ADAMTSL3: variants seen among roughly 807,000 people sequenced by gnomAD.
ADAMTSL3 encodes ADAMTS-like protein 3.
ADAMTSL3 carries 128 observed loss-of-function variants against 201.7 expected under a neutral mutation model. That is an observed-to-expected ratio of 0.63 (90% CI 0.55 to 0.73). The LOEUF is 0.73. Ranked by LOEUF, ADAMTSL3 falls within the 30% of genes least tolerant of loss-of-function variation. The probability of loss-of-function intolerance (pLI) is 0.00; values close to 1 mark genes in which losing one functional copy is unlikely to be tolerated. For missense variants in ADAMTSL3, 1,990 were observed against 2,119.6 expected (o/e 0.94, Z 1.20); for synonymous variants, 738 against 748.4 (o/e 0.99, Z 0.23).
chr15:83,856,191 A>G (rs561270035), intron 7 of ADAMTSL3, among the ~76,000 whole-genome samples: 98 of 147,452 alleles, frequency 6.6e-4, no homozygotes, highest in African/African-American at 2.2e-3. Flanking sequence ...CCCCTGAGAC[A>G]AGCTCTCACT....
chr15:83,983,120 A>G lies in ADAMTSL3; in HGVS notation c.3492A>G (p.Ala1164=). The change falls in exon 21 of 30, where the codon GCA becomes GCG. Residue 1164 remains alanine, a synonymous_variant. Coordinates refer to ENST00000286744, the MANE Select transcript of ADAMTSL3 (RefSeq NM_207517.3). ...GGAGTGTGTCCCAAAGCTCGCATGC[A>G]AAAAACTCAGGCAAGCTGACATTCA... is the stretch of plus-strand genomic sequence containing the variant. ...ETGSVSQSSH[A]KNSGKLTFKP... 2 of 1,614,074 alleles carry G rather than the reference A, an allele frequency of 1.2e-6. No homozygotes were observed. The highest frequency in any genetic ancestry group is 1.7e-6 in the Non-Finnish European group (2 of 1,179,976).
At chr15:83,831,756 A>G (rs773370659) in intron 6 of ADAMTSL3, among the ~76,000 whole-genome samples, 4 of 151,052 alleles carry the variant, frequency 2.6e-5, no homozygotes, top group Non-Finnish European at 4.4e-5. Flanking sequence ...CCCACCTCAA[A>G]TACTTCAATT....
At chr15:83,732,286 G>A (rs1228317313) in intron 3 of ADAMTSL3, among the ~76,000 whole-genome samples, 2 of 151,982 alleles carry the variant, frequency 1.3e-5, no homozygotes, top group African/African-American at 4.8e-5. Context: ...TGTAATGTGT[G>A]TTTTCCATTT....
intron 2 of ADAMTSL3, among the ~76,000 whole-genome samples, chr15:83,676,920 C>G (rs1219629173): frequency 1.3e-5 from 2 of 152,246 alleles, no homozygotes. Context: ...ACCTCCCACT[C>G]TCCAGAACTG....
At chr15:83,664,274 G>GT (rs5814158) in intron 2 of ADAMTSL3, among the ~76,000 whole-genome samples, 30,455 of 145,700 alleles carry the variant, frequency 0.21, 3,961 homozygotes, top group Admixed American at 0.35. Flanking sequence ...TTTTCTTTTC[G>GT]TTTTTTTTTT....
Position 83,923,966 on chromosome 15 carries a change from T to G in ADAMTSL3, c.2050T>G (p.Leu684Val). 1 of 1,614,156 alleles carries G rather than the reference T, an allele frequency of 6.2e-7. No homozygotes were observed. Among genetic ancestry groups the G allele is most frequent in the Non-Finnish European group, 8.5e-7 (1 of 1,180,008 alleles). Residue 684 changes from leucine (L) to valine (V), a missense_variant, in exon 17 of 30, where the codon TTG (leucine) becomes GTG (valine). Leu to Val is a conservative substitution (Grantham distance 32). Coordinates refer to ENST00000286744, the MANE Select transcript of ADAMTSL3 (RefSeq NM_207517.3). ...GACCCAGCAGACAGTCAATGACAGC[T>G]TGTGTGATATGGTCCACCGTCCTCC... The part of the protein sequence containing the change: ...IQTQQTVNDS[L>V]CDMVHRPPAM...
chr15:83,681,863 A>G (rs540784016), intron 2 of ADAMTSL3, among the ~76,000 whole-genome samples: 5 of 152,096 alleles, frequency 3.3e-5, no homozygotes, highest in Non-Finnish European at 7.4e-5. Context: ...AATTTTATTT[A>G]TTTACTCCCC....
intron 2 of ADAMTSL3, among the ~76,000 whole-genome samples, chr15:83,658,495 G>C (rs1043667208): frequency 6.6e-6 from 1 of 152,250 alleles, no homozygotes; most frequent in Admixed American, 6.5e-5. Context: ...TGTAGAACAA[G>C]GTAAGAGGCT....
chr15:83,731,907 C>T (rs1200033609), intron 3 of ADAMTSL3, among the ~76,000 whole-genome samples: 2 of 151,816 alleles, frequency 1.3e-5, no homozygotes, highest in South Asian at 2.1e-4. Context: ...GAGAGTAGAA[C>T]TATGGTTACC....
In ADAMTSL3 at chr15:83,988,710, G is replaced by A. The variant is rs931287062; in HGVS notation, c.3736G>A (p.Gly1246Arg). 3 of 1,605,626 alleles carry A rather than the reference G, an allele frequency of 1.9e-6. No homozygotes were observed. Among genetic ancestry groups the A allele is most frequent in the Admixed American group, 1.7e-5 (1 of 59,390 alleles). The stretch of plus-strand genomic sequence containing the variant: ...CTACAGAATAATTTTGGATGGAACT[G>A]GGAAGATACAGATACAGAATCCTAC... ...PSVKIILDGT[G>R]KIQIQNPTRK... The change falls in exon 22 of 30, where the codon GGG (glycine) becomes AGG (arginine). Residue 1246 changes from glycine (G) to arginine (R), a missense_variant. By Grantham distance (125) the Gly-to-Arg change is moderately radical (BLOSUM62 -2). Coordinates refer to ENST00000286744, the MANE Select transcript of ADAMTSL3 (RefSeq NM_207517.3).
intron 2 of ADAMTSL3, among the ~76,000 whole-genome samples, chr15:83,695,737 T>C (rs998384099): frequency 4.6e-5 from 7 of 152,230 alleles, no homozygotes; most frequent in African/African-American, 1.7e-4. Flanking sequence ...CCTTTTCTTT[T>C]AAACCCTCCC....
intron 3 of ADAMTSL3, among the ~76,000 whole-genome samples, chr15:83,755,632 T>C (rs1020143749): frequency 1.8e-4 from 27 of 152,256 alleles, no homozygotes; most frequent in African/African-American, 6.0e-4. Flanking sequence ...CCACTGCATG[T>C]GTACACTATA....
chr15:83,826,843 TC>T (rs1345591845), intron 6 of ADAMTSL3, among the ~76,000 whole-genome samples: 1 of 152,012 alleles, frequency 6.6e-6, no homozygotes, highest in African/African-American at 2.4e-5. Flanking sequence ...CATGAACTCA[TC>T]CTTTTTTATG....
At chr15:84,015,156 G>A (rs1489889665) in intron 24 of ADAMTSL3, among the ~76,000 whole-genome samples, 2 of 152,162 alleles carry the variant, frequency 1.3e-5, no homozygotes, top group Admixed American at 6.5e-5. Context: ...ATGTTGGCCA[G>A]GATGGTCTCA....
intron 17 of ADAMTSL3, among the ~76,000 whole-genome samples, chr15:83,930,155 A>G (rs1168417101): frequency 6.6e-6 from 1 of 152,122 alleles, no homozygotes; most frequent in African/African-American, 2.4e-5. Context: ...AGCTCTCTGG[A>G]CCCTGTTTCT....
intron 3 of ADAMTSL3, among the ~76,000 whole-genome samples, chr15:83,745,304 G>A (rs1455950148): frequency 6.6e-6 from 1 of 152,158 alleles, no homozygotes; most frequent in Admixed American, 6.5e-5. Flanking sequence ...CTGGACGCTG[G>A]ACAAGAGCTT....
chr15:84,009,224 C>T (rs954127862), intron 23 of ADAMTSL3, among the ~76,000 whole-genome samples: 2 of 152,108 alleles, frequency 1.3e-5, no homozygotes, highest in African/African-American at 4.8e-5. Flanking sequence ...GACCTGAGCC[C>T]CACCTGCCAC....
intron 7 of ADAMTSL3, among the ~76,000 whole-genome samples, chr15:83,856,017 CA>C (rs994821939): frequency 9.9e-5 from 15 of 151,982 alleles, no homozygotes; most frequent in African/African-American, 3.6e-4. Flanking sequence ...TCTCAAAAAA[CA>C]AAAACAAAAC....
intron 3 of ADAMTSL3, among the ~76,000 whole-genome samples, chr15:83,732,619 A>G (rs1161810178): frequency 6.6e-6 from 1 of 152,180 alleles, no homozygotes; most frequent in African/African-American, 2.4e-5. Context: ...GAAATCTATT[A>G]GAAACTATAT....
Sources: allele counts gnomAD v4.1 joint callset (sites outside exome capture counted in the v4.1 genomes callset), GRCh38; gene constraint gnomAD v4.1.1; transcripts MANE v1.5; gene names NCBI Gene and HGNC (gene_info 2026-07-23, HGNC 2026-07-21).